The following CDH13 variants were observed in gnomAD, a reference collection of about 807,000 sequenced individuals.
CDH13 encodes cadherin-13.
Under a neutral mutation model 63.8 loss-of-function variants are expected in CDH13, and 24 were observed. The observed-to-expected ratio is 0.38, with a 90% CI of 0.27 to 0.53. The LOEUF is 0.53. CDH13 is among the 20% of genes least tolerant of loss of function. CDH13 has a pLI of 0.85. For synonymous variants in CDH13, 503 were observed against 355.3 expected, an observed-to-expected ratio of 1.42 and a Z score of -4.67; for missense variants, 1,049 against 903.1, an observed-to-expected ratio of 1.16 and a Z score of -2.07.
At chr16:83,338,699 G>A (rs899906115) in intron 5 of CDH13, among the ~76,000 whole-genome samples, 1 of 152,186 alleles carries the variant, frequency 6.6e-6, no homozygotes, top group Non-Finnish European at 1.5e-5. Flanking sequence ...GCGGCAGCAA[G>A]GAAGCGTAGG....
intron 6 of CDH13, among the ~76,000 whole-genome samples, chr16:83,428,146 C>T (rs1293077926): frequency 1.3e-5 from 2 of 152,092 alleles, no homozygotes; most frequent in Non-Finnish European, 2.9e-5. Flanking sequence ...GGGGAAATGG[C>T]ACCTTTTGAC....
Position 83,796,270 on chromosome 16 carries a change from A to G in CDH13, c.*1240A>G, listed in dbSNP as rs1904280696. 1 of 152,252 alleles carries G rather than the reference A, an allele frequency of 6.6e-6. No individual in the cohort carries two copies. The highest frequency in any genetic ancestry group is 1.5e-5 in the Non-Finnish European group (1 of 68,044). 9.4% of individuals were successfully genotyped at this position (152,252 alleles called of 1,614,324 possible). A position where few individuals can be genotyped will look rare whatever the true frequency, so the allele number is the denominator to read the frequency against. ...CTCACACCAAATTTTTCTATCAAAT[A>G]AAACTAGTGACAGCTTGTGGCTTTT... On this transcript the variant is annotated 3_prime_UTR_variant, in exon 14 of 14. Transcript: ENST00000567109.
At chr16:83,698,490 G>C (rs1210015595) in intron 10 of CDH13, among the ~76,000 whole-genome samples, 2 of 152,196 alleles carry the variant, frequency 1.3e-5, no homozygotes, top group African/African-American at 2.4e-5. Context: ...CCAGTGCTGA[G>C]GCTCTCAAGA....
intron 8 of CDH13, chr16:83,654,804 C>T (rs1291350176): frequency 6.6e-6 from 1 of 152,128 alleles, no homozygotes; most frequent in African/African-American, 2.4e-5. Context: ...CCACCTGATC[C>T]CTGCATGATT....
chr16:83,401,658 A>G (rs962264260), intron 6 of CDH13, among the ~76,000 whole-genome samples: 2 of 149,542 alleles, frequency 1.3e-5, no homozygotes, highest in East Asian at 2.0e-4. Flanking sequence ...CATTTTATGG[A>G]CAAAAAAAAG....
intron 5 of CDH13, among the ~76,000 whole-genome samples, chr16:83,219,354 G>A (rs1468883598): frequency 6.6e-6 from 1 of 152,180 alleles, no homozygotes; most frequent in African/African-American, 2.4e-5. Flanking sequence ...GTAGTTAAAA[G>A]CATGGATTCT....
chr16:82,965,191 G>A (rs1423820436), intron 2 of CDH13, among the ~76,000 whole-genome samples: 3 of 152,002 alleles, frequency 2.0e-5, no homozygotes, highest in Non-Finnish European at 4.4e-5. Context: ...CCCCTCACCC[G>A]TCTCGTTTTC....
chr16:83,120,067 C>T (rs761319241), intron 3 of CDH13, among the ~76,000 whole-genome samples: 16 of 152,084 alleles, frequency 1.1e-4, no homozygotes, highest in African/African-American at 2.4e-4. Flanking sequence ...CCCACCGTGA[C>T]GGGCCCAGAG....
chr16:83,280,607 C>G (rs11646009), intron 5 of CDH13, among the ~76,000 whole-genome samples: 76,252 of 151,880 alleles, frequency 0.5, 19,881 homozygotes, highest in Middle Eastern at 0.64. Flanking sequence ...GCATCTAGAA[C>G]AGTAAATTCT....
At chr16:82,886,111 A>G (rs950667718) in intron 2 of CDH13, among the ~76,000 whole-genome samples, 10 of 152,336 alleles carry the variant, frequency 6.6e-5, no homozygotes, top group African/African-American at 2.2e-4. Context: ...TCATCAGCTC[A>G]TTTTAAAGGT....
At chr16:83,653,581 A>T (rs1912589242) in intron 8 of CDH13, among the ~76,000 whole-genome samples, 1 of 152,200 alleles carries the variant, frequency 6.6e-6, no homozygotes, top group Admixed American at 6.5e-5. Context: ...TACTTTTAAT[A>T]TCATCAGCAC....
intron 6 of CDH13, among the ~76,000 whole-genome samples, chr16:83,399,083 C>G (rs1465876287): frequency 6.6e-6 from 1 of 152,168 alleles, no homozygotes; most frequent in Non-Finnish European, 1.5e-5. Context: ...GACCATCAGA[C>G]CATAAATTGT....
At chr16:83,035,096 A>G (rs1316398867) in intron 3 of CDH13, among the ~76,000 whole-genome samples, 1 of 152,158 alleles carries the variant, frequency 6.6e-6, no homozygotes, top group Non-Finnish European at 1.5e-5. Context: ...AAAAAAGGAA[A>G]AAAAAATAAA....
chr16:83,763,519 T>G (rs1271722879), intron 11 of CDH13, among the ~76,000 whole-genome samples: 1 of 152,320 alleles, frequency 6.6e-6, no homozygotes, highest in Non-Finnish European at 1.5e-5. Flanking sequence ...TTCAGAAAGA[T>G]ACCTCAGCCT....
At chr16:82,705,315 TCTC>T in intron 1 of CDH13, 1 of 360,066 alleles carries the variant, frequency 2.8e-6, no homozygotes, top group Middle Eastern at 4.0e-4. Flanking sequence ...TCTGATTTCT[TCTC>T]CTTCTCTCCA....
intron 7 of CDH13, among the ~76,000 whole-genome samples, chr16:83,534,393 G>A (rs1319091699): frequency 1.3e-5 from 2 of 152,176 alleles, no homozygotes; most frequent in African/African-American, 4.8e-5. Flanking sequence ...TGCTGGCAGT[G>A]CATTTTCATG....
intron 7 of CDH13, among the ~76,000 whole-genome samples, chr16:83,550,275 G>A (rs900356125): frequency 6.6e-6 from 1 of 152,204 alleles, no homozygotes; most frequent in Non-Finnish European, 1.5e-5. Context: ...AAGCCAGGGT[G>A]AACTCAAAGC....
chr16:82,928,159 C>T (rs1410405683), intron 2 of CDH13, among the ~76,000 whole-genome samples: 2 of 46,648 alleles, frequency 4.3e-5, no homozygotes, highest in East Asian at 6.8e-4. Context: ...AGTAGGCAGT[C>T]GTGTATGTGT....
chr16:82,935,018 C>G (rs781142480), intron 2 of CDH13, among the ~76,000 whole-genome samples: 1 of 152,188 alleles, frequency 6.6e-6, no homozygotes, highest in Non-Finnish European at 1.5e-5. Context: ...TACGGCAGCA[C>G]CCCGCTCCCT....
Sources: allele counts gnomAD v4.1 joint callset (sites outside exome capture counted in the v4.1 genomes callset), GRCh38; gene constraint gnomAD v4.1.1; transcripts MANE v1.5; gene names NCBI Gene and HGNC (gene_info 2026-07-23, HGNC 2026-07-21).